Variants in HEXIM2 observed in about 807,000 individuals in gnomAD.
HEXIM2 encodes protein HEXIM2.
For missense variants in HEXIM2, 413 were observed against 390.8 expected, an observed-to-expected ratio of 1.06 and a Z score of -0.48; for synonymous variants, 159 against 162.7, an observed-to-expected ratio of 0.98 and a Z score of 0.17.
At position 45,169,700 on chromosome 17, in the gene HEXIM2, A is replaced by G. The variant is rs780957322; in HGVS notation, c.752A>G (p.Glu251Gly). 1.0e-4 allele frequency: 157 copies of G among 1,529,852 alleles called. No individual in the cohort carries two copies. Among genetic ancestry groups the G allele is most frequent in the Non-Finnish European group, 1.3e-4 (148 of 1,135,788 alleles). The allele number at this position is 1,529,852 out of a possible 1,614,324, so 94.8% of individuals were successfully genotyped here. ...CAGCAGTCCTGCCGCCAGGTGGAGG[A>G]GCTGGCTGCCGAGGTCCAGAGGCTC... ...TGQQSCRQVE[E>G]LAAEVQRLRT... is the part of the protein sequence containing the mutation. The change falls in exon 4 of 4, where the codon GAG (glutamate) becomes GGG (glycine). Residue 251 changes from glutamate to glycine, a missense_variant. Glu to Gly is a moderately conservative substitution (Grantham distance 98, BLOSUM62 -2). Coordinates refer to ENST00000589230, the MANE Select transcript of HEXIM2 (RefSeq NM_001303441.2).
rs1341784438 is a variant in HEXIM2, at chr17:45,169,908, C to T, written c.*99C>T. The T allele has an allele frequency of 5.0e-6, 5 of 994,690 alleles. No homozygotes were observed. The African/African-American group carries it at 6.5e-5, about 13-fold the overall frequency. 61.6% of individuals were successfully genotyped at this position (994,690 alleles called of 1,614,324 possible). A position where few individuals can be genotyped will look rare whatever the true frequency, so the allele number is the denominator to read the frequency against. ...GAGGCAGGTGGCAGATGAAAACCAC[C>T]GTCAACACCCTGTGCGCCCTGAGAA... On this transcript the variant is annotated 3_prime_UTR_variant, in exon 4 of 4. Transcript: ENST00000589230.
chr17:45,169,531 G>C lies in HEXIM2; in HGVS notation c.583G>C (p.Glu195Gln). Residue 195 changes from glutamate (E) to glutamine (Q), a missense_variant, in exon 4 of 4, where the codon GAG (glutamate) becomes CAG (glutamine). Coordinates refer to ENST00000589230, the MANE Select transcript of HEXIM2 (RefSeq NM_001303441.2). ...HGEFQRKDFS[E>Q]TYERFHTESL... ...TGAGTTCCAGCGGAAGGACTTCTCT[G>C]AGACTTACGAACGCTTCCACACCGA... 3 of 1,588,788 alleles carry C rather than the reference G, an allele frequency of 1.9e-6. No homozygotes were observed. The highest frequency in any genetic ancestry group is 2.6e-6 in the Non-Finnish European group (3 of 1,168,026).
At position 45,169,887 on chromosome 17, in the gene HEXIM2, C is replaced by T; in HGVS notation, c.*78C>T. The T allele has an allele frequency of 8.5e-6, 11 of 1,292,704 alleles. No individual in the cohort carries two copies. The highest frequency in any genetic ancestry group is 1.1e-5 in the Non-Finnish European group (11 of 985,966). The allele number at this position is 1,292,704 out of a possible 1,614,324, so 80.1% of individuals were successfully genotyped here. A position where few individuals can be genotyped will look rare whatever the true frequency, so the allele number is the denominator to read the frequency against. ...TCAGGCCAGCTGGGTCTCAAGGAGG[C>T]AGGTGGCAGATGAAAACCACCGTCA... is the stretch of plus-strand genomic sequence containing the variant. On this transcript the variant is annotated 3_prime_UTR_variant, in exon 4 of 4. Coordinates refer to ENST00000589230, the MANE Select transcript of HEXIM2 (RefSeq NM_001303441.2).
At chr17:45,161,797 T>G, upstream of HEXIM2, 9 of 983,566 alleles carry the variant, frequency 9.2e-6, no homozygotes, top group Non-Finnish European at 1.1e-5. Flanking sequence ...CGGGTGTGGC[T>G]GTTGACGTTA....
Position 45,169,067 on chromosome 17 carries a change from G to A in HEXIM2, c.119G>A (p.Gly40Asp), listed in dbSNP as rs2042947839. ...ACACCCCCTGAGCGTCATGACTCTG[G>A]TGGTTCCCTGCCCCTGACACCGCGG... ...PQTPPERHDS[G>D]GSLPLTPRME... is the part of the protein sequence containing the mutation. The change falls in exon 4 of 4, where the codon GGT (glycine) becomes GAT (aspartate). Residue 40 changes from glycine to aspartate, a missense_variant. Transcript: ENST00000589230. 2 of 1,613,934 alleles carry A rather than the reference G, an allele frequency of 1.2e-6. No individual in the cohort carries two copies. The highest frequency in any genetic ancestry group is 1.1e-5 in the South Asian group (1 of 91,082).
upstream of HEXIM2, chr17:45,160,769 T>C (rs1444030058): frequency 8.1e-6 from 4 of 493,492 alleles, no homozygotes; most frequent in Non-Finnish European, 1.1e-5. Context: ...CGGGGCTGAA[T>C]GGGAGAGATC....
In HEXIM2 at chr17:45,169,233, A is replaced by G. The variant is rs781530427; in HGVS notation, c.285A>G (p.Pro95=). Residue 95 remains proline, a synonymous_variant, in exon 4 of 4, where the codon CCA becomes CCG. Coordinates refer to ENST00000589230, the MANE Select transcript of HEXIM2 (RefSeq NM_001303441.2). ...CCCGGAAGAAACACCGTCGGCGGCC[A>G]TCGAAGCGCAAAAGGCACTGGCGAC... The part of the protein sequence containing the change: ...VLARKKHRRR[P]SKRKRHWRPY... 6.8e-6 allele frequency: 11 copies of G among 1,613,536 alleles called. No individual in the cohort carries two copies. The highest frequency in any genetic ancestry group is 2.2e-5 in the South Asian group (2 of 91,092).
At chr17:45,160,961 G>C, upstream of HEXIM2, 2 of 1,289,610 alleles carry the variant, frequency 1.6e-6, no homozygotes, top group Non-Finnish European at 2.0e-6. Flanking sequence ...GGGTGCACTG[G>C]GATCTCCGCT....
intron 3 of HEXIM2, 163 bp from the exon 4 acceptor site, chr17:45,168,852 A>G (rs1428201487): frequency 1.4e-6 from 1 of 712,850 alleles, no homozygotes. Flanking sequence ...CAGACAGTAG[A>G]CAGGTCTCTT....
rs2042972750 is a variant in HEXIM2 at position 45,169,623 on chromosome 17, G to A, written c.675G>A (p.Ser225=). The part of the protein sequence containing the change: ...RDYLELEKRL[S]QAEEETRRLQ... ...ACCTGGAGCTGGAGAAGCGGCTGTC[G>A]CAGGCGGAGGAGGAGACTAGGAGGC... Residue 225 remains serine, a synonymous_variant, in exon 4 of 4, where the codon TCG becomes TCA. Transcript: ENST00000589230. 1 of 1,536,302 alleles carries A rather than the reference G, an allele frequency of 6.5e-7. No individual in the cohort carries two copies. Among genetic ancestry groups the A allele is most frequent in the African/African-American group, 1.4e-5 (1 of 72,526 alleles).
At chr17:45,161,747 C>G, upstream of HEXIM2, 1 of 771,618 alleles carries the variant, frequency 1.3e-6, no homozygotes, top group South Asian at 5.9e-5. Flanking sequence ...GATGCGCGCG[C>G]GGTCTGCCCC....
intron 3 of HEXIM2, among the ~76,000 whole-genome samples, chr17:45,168,400 G>A (rs890656144): frequency 1.7e-4 from 26 of 151,714 alleles, no homozygotes; most frequent in Non-Finnish European, 1.5e-4. Flanking sequence ...GGAGAATTCC[G>A]GAGGCAGAGG....
At position 45,169,740 on chromosome 17, in the gene HEXIM2, G is replaced by A; in HGVS notation, c.792G>A (p.Gln264=). The A allele has an allele frequency of 6.7e-7, 1 of 1,487,600 alleles. No homozygotes were observed. 92.2% of individuals were successfully genotyped at this position (1,487,600 alleles called of 1,614,324 possible). ...AEVQRLRTEN[Q]RLRQENQMWN... ...TCCAGAGGCTCCGGACCGAAAACCA[G>A]CGGCTTCGTCAGGAGAACCAGATGT... The change falls in exon 4 of 4, where the codon CAG becomes CAA. Residue 264 remains glutamine, a synonymous_variant. Coordinates refer to ENST00000589230, the MANE Select transcript of HEXIM2 (RefSeq NM_001303441.2).
upstream of HEXIM2, among the ~76,000 whole-genome samples, chr17:45,160,281 G>T (rs59622946): frequency 0.029 from 4,441 of 152,000 alleles, 260 homozygotes; most frequent in East Asian, 0.23. Flanking sequence ...GATAAAAACT[G>T]GTTTCTTTTT....
At chr17:45,161,860 C>G, upstream of HEXIM2, 3 of 985,840 alleles carry the variant, frequency 3.0e-6, 1 homozygote, top group Non-Finnish European at 3.6e-6. Context: ...CCAGCAGGCA[C>G]CGCGCGTCCA....
chr17:45,169,775 A>G lies in HEXIM2; in HGVS notation c.827A>G (p.Glu276Gly). 1.4e-6 allele frequency: 2 copies of G among 1,455,242 alleles called. No homozygotes were observed. Among genetic ancestry groups the G allele is most frequent in the Non-Finnish European group, 9.1e-7 (1 of 1,104,552 alleles). The allele number at this position is 1,455,242 out of a possible 1,614,324, so 90.1% of individuals were successfully genotyped here. ...LRQENQMWNREGCRCDEEPGT is the reference protein window; with the variant it reads ...LRQENQMWNRGGCRCDEEPGT ...CAGGAGAACCAGATGTGGAACCGAGAGGGCTGCCGCTGTGATGAGGAGCCG... is the reference window on the plus strand; with the variant it reads ...CAGGAGAACCAGATGTGGAACCGAGGGGGCTGCCGCTGTGATGAGGAGCCG... The change falls in exon 4 of 4, where the codon GAG becomes GGG. Residue 276 changes from glutamate to glycine, a missense_variant. Glu to Gly is a moderately conservative substitution (Grantham distance 98). Coordinates refer to ENST00000589230, the MANE Select transcript of HEXIM2 (RefSeq NM_001303441.2).
intron 1 of HEXIM2, 86 bp from the exon 2 acceptor site, chr17:45,162,401 CA>C: frequency 9.9e-7 from 1 of 1,006,848 alleles, no homozygotes; most frequent in Non-Finnish European, 1.2e-6. Context: ...CCTCCCCAGG[CA>C]GTCCTCCTTT....
chr17:45,161,174 GCGCCCCTGTGGAAAGAC>G (rs986225166), upstream of HEXIM2: 4 of 370,878 alleles, frequency 1.1e-5, no homozygotes, highest in Non-Finnish European at 1.6e-5. Flanking sequence ...CTCAGGATCC[GCGCCCCTGTGGAAAGAC>G]CGCAGAGGGA....
In HEXIM2 at chr17:45,169,749, T is replaced by G. The variant is rs1275641873; in HGVS notation, c.801T>G (p.Arg267=). ...QRLRTENQRL[R]QENQMWNREG... ...TCCGGACCGAAAACCAGCGGCTTCG[T>G]CAGGAGAACCAGATGTGGAACCGAG... The change falls in exon 4 of 4, where the codon CGT becomes CGG. Residue 267 remains arginine, a synonymous_variant. Coordinates refer to ENST00000589230, the MANE Select transcript of HEXIM2 (RefSeq NM_001303441.2). 4 of 1,478,590 alleles carry G rather than the reference T, an allele frequency of 2.7e-6. No homozygotes were observed. In the South Asian group the frequency reaches 5.4e-5, roughly 20 times the overall value. 91.6% of individuals were successfully genotyped at this position (1,478,590 alleles called of 1,614,324 possible). A position where few individuals can be genotyped will look rare whatever the true frequency, so the allele number is the denominator to read the frequency against.
Sources: allele counts gnomAD v4.1 joint callset (sites outside exome capture counted in the v4.1 genomes callset), GRCh38; gene constraint gnomAD v4.1.1; transcripts MANE v1.5; gene names NCBI Gene and HGNC (gene_info 2026-07-23, HGNC 2026-07-21).